The following FAT2 variants were observed in gnomAD, a reference collection of about 807,000 sequenced individuals.
FAT2 encodes the protein FAT atypical cadherin 2, also known as protocadherin Fat 2.
FAT2 carries 150 observed loss-of-function variants against 295.3 expected under a neutral mutation model. The ratio of observed to expected loss-of-function variants is 0.51; its 90% CI spans 0.44 to 0.58. The LOEUF (loss-of-function observed/expected upper bound fraction) is 0.58, where lower values mean the gene tolerates loss of function less well. Ranked by LOEUF, FAT2 falls within the 20% of genes least tolerant of loss-of-function variation. The pLI, the probability that FAT2 is intolerant of heterozygous loss-of-function variation, is 0.00. For synonymous variants in FAT2, 2,026 were observed against 2,150.3 expected (o/e 0.94, Z 1.60); for missense variants, 4,868 against 5,442.7 (o/e 0.89, Z 3.32).
Position 151,579,739 on chromosome 5 carries a change from A to G in FAT2, c.-20-10788T>C, listed in dbSNP as rs530425094. Reference sequence around the variant, plus strand: ...AAATATAAATAAGGAAATACATTTAAAAAAAAAAAGAGAGAGAAAGATACT... The same window carrying G: ...AAATATAAATAAGGAAATACATTTAGAAAAAAAAAGAGAGAGAAAGATACT... On this transcript the variant is annotated intron_variant, in intron 1 of 23. Coordinates refer to ENST00000261800, the MANE Select transcript of FAT2 (RefSeq NM_001447.3). Among the ~76,000 whole-genome samples the G allele has an allele frequency of 7.5e-5, 11 of 147,646 alleles. No homozygotes were observed. In the East Asian group the frequency reaches 2.2e-3, roughly 29 times the overall value.
chr5:151,524,329 C>T (rs923833503), intron 18 of FAT2, among the ~76,000 whole-genome samples: 3 of 152,152 alleles, frequency 2.0e-5, no homozygotes, highest in African/African-American at 7.2e-5. Context: ...GTTTTGGACT[C>T]TATGTTTGTG....
In FAT2 at chr5:151,542,202, G is replaced by A. The variant is rs1756217867; in HGVS notation, c.8842+83C>T. 7 of 1,378,854 alleles carry A rather than the reference G, an allele frequency of 5.1e-6. No individual in the cohort carries two copies. The Admixed American group carries it at 1.6e-4, about 31-fold the overall frequency. The allele number at this position is 1,378,854 out of a possible 1,614,324, so 85.4% of individuals were successfully genotyped here. A position where few individuals can be genotyped will look rare whatever the true frequency, so the allele number is the denominator to read the frequency against. On this transcript the variant is annotated intron_variant, in intron 10 of 23. Coordinates refer to ENST00000261800, the MANE Select transcript of FAT2 (RefSeq NM_001447.3). ...CACTGCTAATAAGTGGCAAATCCAG[G>A]ACATGAACCCATTTTAGGGCACCTC... is the stretch of plus-strand genomic sequence containing the variant.
chr5:151,508,188 G>A (rs1761043283), intron 22 of FAT2, among the ~76,000 whole-genome samples: 1 of 152,136 alleles, frequency 6.6e-6, no homozygotes, highest in Admixed American at 6.5e-5. Context: ...CACTTTTGAG[G>A]GCTATTGGGA....
chr5:151,540,027 G>A (rs191667623), intron 11 of FAT2, among the ~76,000 whole-genome samples: 11 of 152,364 alleles, frequency 7.2e-5, no homozygotes, highest in Admixed American at 6.5e-4. Context: ...CTCTGTTGGT[G>A]TATTTGATAA....
In FAT2 at chr5:151,525,770, G is replaced by A. The variant is rs2127583896; in HGVS notation, c.10504C>T (p.Gln3502Ter). ...RAQEWYQLQI[Q>*]ASDSGIPPLS... ...CAGAAGCCTAGCACAGCTCTCACCT[G>A]GATCTGAAGCTGATACCATTCCTGA... The change falls in exon 18 of 24, where the codon CAG (glutamine) becomes TAG (stop). Residue 3502 changes from glutamine (Q) to a stop codon, truncating the protein, a stop_gained and splice_region_variant. Transcript: ENST00000261800. LOFTEE classifies it high-confidence loss of function. The A allele has an allele frequency of 6.2e-7, 1 of 1,614,152 alleles. No homozygotes were observed. The highest frequency in any genetic ancestry group is 8.5e-7 in the Non-Finnish European group (1 of 1,180,016).
chr5:151,520,281 A>G (rs1753309576), intron 19 of FAT2, among the ~76,000 whole-genome samples: 1 of 152,238 alleles, frequency 6.6e-6, no homozygotes, highest in African/African-American at 2.4e-5. Context: ...CTTGGCCTTA[A>G]TGCCAGGGAT....
intron 13 of FAT2, among the ~76,000 whole-genome samples, chr5:151,532,748 A>G (rs1027364562): frequency 6.6e-6 from 1 of 152,220 alleles, no homozygotes; most frequent in African/African-American, 2.4e-5. Context: ...AGTTGGCCAT[A>G]GTGTAGGAAA....
Position 151,507,301 on chromosome 5 carries a change from C to G in FAT2, c.12370G>C (p.Val4124Leu). ...CCAAATGTGACGAGTTCATTTGGAA[C>G]AGAGGCCTTGCTGGGTTCCGGTTGG... ...LNQPEPSKAS[V>L]PNELVTFGPN... Residue 4124 changes from valine to leucine, a missense_variant, in exon 23 of 24, where the codon GTT (valine) becomes CTT (leucine). Val to Leu is a conservative substitution (Grantham distance 32, BLOSUM62 1). Transcript: ENST00000261800. 6.2e-7 allele frequency: 1 copy of G among 1,614,202 alleles called. No individual in the cohort carries two copies. The highest frequency in any genetic ancestry group is 1.1e-5 in the South Asian group (1 of 91,078).
intron 1 of FAT2, among the ~76,000 whole-genome samples, chr5:151,585,664 T>G (rs1437478532): frequency 6.6e-6 from 1 of 152,168 alleles, no homozygotes; most frequent in East Asian, 1.9e-4. Context: ...TGCACTCTGT[T>G]TTTGAATTTG....
intron 9 of FAT2, among the ~76,000 whole-genome samples, chr5:151,546,930 C>G (rs1321587937): frequency 6.6e-6 from 1 of 152,144 alleles, no homozygotes; most frequent in African/African-American, 2.4e-5. Flanking sequence ...ACCCATATCT[C>G]AAGGCTCCTG....
intron 13 of FAT2, among the ~76,000 whole-genome samples, chr5:151,533,366 T>C (rs949539862): frequency 6.6e-6 from 1 of 150,718 alleles, no homozygotes; most frequent in Admixed American, 6.7e-5. Flanking sequence ...CTCAAGCAAG[T>C]CTATTCCACT....
Position 151,543,927 on chromosome 5 carries a change from T to TGTCTCTGCTGTCAGGG in FAT2, c.7199_7200insCCCTGACAGCAGAGAC (p.Lys2400AsnfsTer11). 1 of 1,614,186 alleles carries TGTCTCTGCTGTCAGGG rather than the reference T, an allele frequency of 6.2e-7. No homozygotes were observed. Among genetic ancestry groups the TGTCTCTGCTGTCAGGG allele is most frequent in the Non-Finnish European group, 8.5e-7 (1 of 1,180,038 alleles). Reference sequence around the variant, plus strand: ...TGCTGTCAGGGTCAATAGCCTGGACTTTAAGAACCAGGTGTCCACAGGTTG... The same window carrying TGTCTCTGCTGTCAGGG: ...TGCTGTCAGGGTCAATAGCCTGGACTGTCTCTGCTGTCAGGGTTAAGAACCAGGTGTCCACAGGTTG... On this transcript the variant is annotated frameshift_variant, in exon 10 of 24. Coordinates refer to ENST00000261800, the MANE Select transcript of FAT2 (RefSeq NM_001447.3). LOFTEE classifies it high-confidence loss of function.
At position 151,512,556 on chromosome 5, in the gene FAT2, A is replaced by T; in HGVS notation, c.11514T>A (p.Tyr3838Ter). The T allele has an allele frequency of 1.2e-6, 2 of 1,614,096 alleles. No homozygotes were observed. Among genetic ancestry groups the T allele is most frequent in the Non-Finnish European group, 1.7e-6 (2 of 1,179,996 alleles). Reference protein sequence around the residue: ...QLEYHCLGGFYGNLSSQRHVN... With the variant: ...QLEYHCLGGF ...CATGGCGCTGGGAGGAAAGGTTTCC[A>T]TAGAAACCACCCAGACAGTGGTATT... Residue 3838 changes from tyrosine to a stop codon, truncating the protein, a stop_gained, in exon 21 of 24, where the codon TAT becomes TAA. Coordinates refer to ENST00000261800, the MANE Select transcript of FAT2 (RefSeq NM_001447.3). LOFTEE classifies it high-confidence loss of function. This position sits in a 1 kb window ranked among gnomAD's most constrained non-coding sequence, Gnocchi z 4.1.
intron 1 of FAT2, among the ~76,000 whole-genome samples, chr5:151,570,326 G>A (rs12386479): frequency 0.017 from 2,633 of 152,296 alleles, 41 homozygotes; most frequent in East Asian, 0.037. Context: ...AGTTGAAATG[G>A]ACATTAGAGA....
chr5:151,557,185 G>C (rs1336238898), intron 3 of FAT2, among the ~76,000 whole-genome samples: 1 of 152,076 alleles, frequency 6.6e-6, no homozygotes, highest in African/African-American at 2.4e-5. Context: ...TAAAATCTAT[G>C]GAACATGTTT....
intron 11 of FAT2, among the ~76,000 whole-genome samples, chr5:151,539,407 C>A (rs1755869925): frequency 6.6e-6 from 1 of 152,108 alleles, no homozygotes; most frequent in African/African-American, 2.4e-5. Context: ...TAAGTATGTT[C>A]ATGTGAATTT....
At position 151,543,781 on chromosome 5, in the gene FAT2, G is replaced by A. The variant is rs1422280970; in HGVS notation, c.7346C>T (p.Ser2449Phe). 2.5e-6 allele frequency: 4 copies of A among 1,614,086 alleles called. No homozygotes were observed. Among genetic ancestry groups the A allele is most frequent in the Admixed American group, 3.3e-5 (2 of 60,006 alleles). Residue 2449 changes from serine (S) to phenylalanine (F), a missense_variant, in exon 10 of 24, where the codon TCT (serine) becomes TTT (phenylalanine). By Grantham distance (155) the Ser-to-Phe change is radical. This residue lies in a region of FAT2 where 3,297 missense variants were observed against 3,669.4 expected (regional missense o/e 0.90). Coordinates refer to ENST00000261800, the MANE Select transcript of FAT2 (RefSeq NM_001447.3). ...AGAAGCACCTACCCTCAAATTGTAA[G>A]AAGAGTCCAGGTGCTTTTTGCAAAG... The part of the protein sequence containing the change: ...FNLCKKHLDS[S>F]YNLRVGASDG...
At position 151,507,055 on chromosome 5, in the gene FAT2, G is replaced by A. The variant is rs7723079; in HGVS notation, c.12517+99C>T. On this transcript the variant is annotated intron_variant, in intron 23 of 23. Coordinates refer to ENST00000261800, the MANE Select transcript of FAT2 (RefSeq NM_001447.3). ...TGTCCCATCCCAAAGGGTTGGATGCGTGGTAGCTAAAAATGCCTGTGCCTC... is the reference window on the plus strand; with the variant it reads ...TGTCCCATCCCAAAGGGTTGGATGCATGGTAGCTAAAAATGCCTGTGCCTC... 0.76 allele frequency: 789,850 copies of A among 1,034,518 alleles called. 302,579 individuals carry two copies. The highest frequency in any genetic ancestry group is 0.85 in the African/African-American group (53,049 of 62,354). 64.1% of individuals were successfully genotyped at this position (1,034,518 alleles called of 1,614,324 possible).
chr5:151,518,426 T>C (rs1327809063), intron 19 of FAT2, among the ~76,000 whole-genome samples: 1 of 151,792 alleles, frequency 6.6e-6, no homozygotes, highest in East Asian at 1.9e-4. Flanking sequence ...ATCAAGTGTG[T>C]GAAAATCAAA....
Sources: allele counts gnomAD v4.1 joint callset (sites outside exome capture counted in the v4.1 genomes callset), GRCh38; gene constraint gnomAD v4.1.1; regional missense constraint gnomAD v4.1.1; non-coding constraint Gnocchi (gnomAD v3.1); transcripts MANE v1.5; gene names NCBI Gene and HGNC (gene_info 2026-07-23, HGNC 2026-07-21).